TRIO: variants seen among roughly 807,000 people sequenced by gnomAD.
TRIO encodes the protein trio Rho guanine nucleotide exchange factor, also known as triple functional domain protein.
TRIO carries 58 observed loss-of-function variants against 351.9 expected under a neutral mutation model. The ratio of observed to expected loss-of-function variants is 0.16; its 90% CI spans 0.13 to 0.21. TRIO has a LOEUF of 0.21. Among genes scored for constraint, TRIO ranks in the 10% least tolerant of loss-of-function variants. The pLI is 1.00. For synonymous variants in TRIO, 1,758 were observed against 1,595.7 expected, an observed-to-expected ratio of 1.10 and a Z score of -2.42; for missense variants, 3,201 against 4,027.8, an observed-to-expected ratio of 0.79 and a Z score of 5.56.
intron 33 of TRIO, among the ~76,000 whole-genome samples, chr5:14,419,577 T>C (rs1352321736): frequency 6.6e-6 from 1 of 152,164 alleles, no homozygotes; most frequent in Non-Finnish European, 1.5e-5. Flanking sequence ...GGAAATAGAA[T>C]GTCTCAGGTT....
chr5:14,350,435 T>G (rs988441389), intron 11 of TRIO, among the ~76,000 whole-genome samples: 8 of 152,194 alleles, frequency 5.3e-5, no homozygotes, highest in African/African-American at 1.9e-4. Flanking sequence ...AGTCAAATTC[T>G]TCTTTTAGAC....
intron 1 of TRIO, among the ~76,000 whole-genome samples, chr5:14,175,870 A>G (rs1257969757): frequency 6.6e-6 from 1 of 152,262 alleles, no homozygotes; most frequent in African/African-American, 2.4e-5. Flanking sequence ...CTTATGAAAG[A>G]AAAGTTCACA....
chr5:14,474,084 G>A lies in TRIO; in HGVS notation c.6070G>A (p.Asp2024Asn), dbSNP rs935800102. ...IVFGNIHQIY[D>N]WHRDFFLGEL... is the part of the protein sequence containing the mutation. ...GTTCGGCAACATCCATCAGATTTAC[G>A]ACTGGCACAGAGAGTACGTAAACAT... is the stretch of plus-strand genomic sequence containing the variant. Residue 2024 changes from aspartate (D) to asparagine (N), a missense_variant, in exon 40 of 57, where the codon GAC (aspartate) becomes AAC (asparagine). Around this residue, in one of 19 missense-constraint regions of TRIO, gnomAD observed 307 missense variants for 396.5 expected, o/e 0.77. Transcript: ENST00000344204. 9.9e-6 allele frequency: 16 copies of A among 1,613,158 alleles called. No homozygotes were observed. The highest frequency in any genetic ancestry group is 6.7e-5 in the Admixed American group (4 of 60,002).
chr5:14,314,540 G>A (rs938898333), intron 8 of TRIO, among the ~76,000 whole-genome samples: 2 of 152,118 alleles, frequency 1.3e-5, no homozygotes, highest in African/African-American at 2.4e-5. Flanking sequence ...ACCAAACACT[G>A]TCTTTGATTA....
At chr5:14,465,229 G>A (rs1045201275) in intron 36 of TRIO, among the ~76,000 whole-genome samples, 5 of 151,982 alleles carry the variant, frequency 3.3e-5, no homozygotes, top group East Asian at 3.9e-4. Context: ...CAGCACTTGC[G>A]AAAGTTACGG....
At chr5:14,189,783 T>G (rs1581312503) in intron 1 of TRIO, among the ~76,000 whole-genome samples, 1 of 151,702 alleles carries the variant, frequency 6.6e-6, no homozygotes, top group Admixed American at 6.6e-5. Flanking sequence ...CAGGCTGGAG[T>G]GCAGTGGCCT....
intron 11 of TRIO, among the ~76,000 whole-genome samples, chr5:14,356,733 C>G (rs1743642517): frequency 6.6e-6 from 1 of 152,172 alleles, no homozygotes; most frequent in Admixed American, 6.5e-5. Flanking sequence ...TGCCCACCAG[C>G]AGATGAAGGG....
intron 1 of TRIO, among the ~76,000 whole-genome samples, chr5:14,192,145 A>ATG (rs1321942081): frequency 6.6e-6 from 1 of 152,182 alleles, no homozygotes; most frequent in East Asian, 1.9e-4. Flanking sequence ...AGCCATATAT[A>ATG]CATTATCTCA....
chr5:14,354,662 C>A (rs1743453548), intron 11 of TRIO, among the ~76,000 whole-genome samples: 2 of 152,204 alleles, frequency 1.3e-5, no homozygotes, highest in African/African-American at 4.8e-5. Context: ...TTGCTTAAAT[C>A]ATTCACTTCT....
intron 48 of TRIO, among the ~76,000 whole-genome samples, chr5:14,489,464 A>C (rs1157949663): frequency 1.3e-5 from 2 of 152,174 alleles, no homozygotes; most frequent in Admixed American, 1.3e-4. Flanking sequence ...ATTTGAGTCC[A>C]GTGTGGGGTG....
chr5:14,495,149 A>G (rs186434573), intron 49 of TRIO, among the ~76,000 whole-genome samples: 56 of 152,314 alleles, frequency 3.7e-4, no homozygotes, highest in Admixed American at 5.9e-4. Flanking sequence ...TCAGTGAAGG[A>G]AATAACTCAG....
chr5:14,158,391 C>T (rs1028154646), intron 1 of TRIO, among the ~76,000 whole-genome samples: 33 of 151,070 alleles, frequency 2.2e-4, no homozygotes, highest in Non-Finnish European at 3.7e-4. Flanking sequence ...CGCCACTGCA[C>T]TACAGCCTGG....
At position 14,314,613 on chromosome 5, in the gene TRIO, G is replaced by C. The variant is rs146526756; in HGVS notation, c.1501-1900G>C. Among the ~76,000 whole-genome samples the C allele has an allele frequency of 1.9e-4, 29 of 152,306 alleles. 1 individual carries two copies. In the East Asian group the frequency reaches 5.6e-3, roughly 29 times the overall value. On this transcript the variant is annotated intron_variant, in intron 8 of 56. Coordinates refer to ENST00000344204, the MANE Select transcript of TRIO (RefSeq NM_007118.4). ...AAACTGGGCAAAAGAGAAAAACCGT[G>C]TATTTATGTGTTAAAAACAGCCTTG...
chr5:14,388,574 C>T, intron 23 of TRIO, 39 bp from the exon 24 acceptor site: 1 of 1,578,930 alleles, frequency 6.3e-7, no homozygotes, highest in Non-Finnish European at 8.6e-7. Context: ...AAGTAAGCTG[C>T]ACCCTGACTG....
intron 25 of TRIO, among the ~76,000 whole-genome samples, 156 bp from the exon 26 acceptor site, chr5:14,390,075 G>C (rs777600424): frequency 3.3e-5 from 5 of 152,184 alleles, no homozygotes; most frequent in Non-Finnish European, 7.3e-5. Context: ...GGCGAAACTG[G>C]CTAGCTGTTT....
At chr5:14,480,041 T>G in intron 43 of TRIO, 30 bp downstream of exon 43, 1 of 1,606,228 alleles carries the variant, frequency 6.2e-7, no homozygotes, top group Non-Finnish European at 8.5e-7. Flanking sequence ...AACTCTGGTG[T>G]CAGGAGTGAG....
chr5:14,390,408 C>T, intron 26 of TRIO, 108 bp downstream of exon 26: 1 of 1,001,874 alleles, frequency 1.0e-6, no homozygotes, highest in Non-Finnish European at 1.5e-6. Flanking sequence ...TGCTCATATC[C>T]ATGCTTGCGG....
chr5:14,262,257 G>C (rs551449866), intron 1 of TRIO, among the ~76,000 whole-genome samples: 1 of 152,198 alleles, frequency 6.6e-6, no homozygotes, highest in East Asian at 1.9e-4. Context: ...GCATCTTGGC[G>C]GTGTCTAGTT....
At chr5:14,225,411 A>G (rs1209144416) in intron 1 of TRIO, among the ~76,000 whole-genome samples, 3 of 152,060 alleles carry the variant, frequency 2.0e-5, no homozygotes. Flanking sequence ...GGGTAGTTGG[A>G]TTCTCTGTTC....
Sources: gnomAD v4.1 joint callset for allele counts (sites outside exome capture counted in the v4.1 genomes callset) on GRCh38, gnomAD v4.1.1 for gene constraint, gnomAD v4.1.1 regional missense constraint, MANE v1.5 for transcripts, NCBI Gene and HGNC (gene_info 2026-07-23, HGNC 2026-07-21) for gene names.